Variants in MED1 observed in about 807,000 individuals in gnomAD.
MED1 encodes the protein mediator of RNA polymerase II transcription subunit 1.
MED1 carries 17 observed loss-of-function variants against 121.3 expected under a neutral mutation model. The ratio of observed to expected loss-of-function variants is 0.14; its 90% CI spans 0.10 to 0.21. The LOEUF is 0.21. MED1 is among the 10% of genes least tolerant of loss of function. The pLI, the probability that MED1 is intolerant of heterozygous loss-of-function variation, is 1.00. For missense variants in MED1, 1,558 were observed against 1,919.4 expected (o/e 0.81, Z 3.52); for synonymous variants, 661 against 694.4 (o/e 0.95, Z 0.76).
chr17:39,407,306 T>G lies in MED1; in HGVS notation c.*169A>C. The G allele has an allele frequency of 1.6e-6, 2 of 1,262,960 alleles. No individual in the cohort carries two copies. Among genetic ancestry groups the G allele is most frequent in the African/African-American group, 3.1e-5 (2 of 65,028 alleles). 78.2% of individuals were successfully genotyped at this position (1,262,960 alleles called of 1,614,324 possible). ...GAATCAAACCCTGTGGTTTCTTTAA[T>G]AGGGTCTGGATATGCCTTTCTAATT... On this transcript the variant is annotated 3_prime_UTR_variant, in exon 17 of 17. Coordinates refer to ENST00000300651, the MANE Select transcript of MED1 (RefSeq NM_004774.4).
intron 2 of MED1, among the ~76,000 whole-genome samples, 156 bp from the exon 3 acceptor site, chr17:39,443,784 A>C (rs1024417271): frequency 7.5e-6 from 1 of 133,398 alleles, no homozygotes; most frequent in South Asian, 2.8e-4. Context: ...ACACTGGTCT[A>C]CAAGTGTTAC....
At position 39,404,399 on chromosome 17, in the gene MED1, A is replaced by T. The variant is rs572061371; in HGVS notation, c.*3076T>A. On this transcript the variant is annotated 3_prime_UTR_variant, in exon 17 of 17. Coordinates refer to ENST00000300651, the MANE Select transcript of MED1 (RefSeq NM_004774.4). ...TACTTTCAAAAAAATGAAAAACCCCAAAGTATTTACAAAACGGCCATATGC... is the reference window on the plus strand; with the variant it reads ...TACTTTCAAAAAAATGAAAAACCCCTAAGTATTTACAAAACGGCCATATGC... The T allele has an allele frequency of 3.3e-5, 5 of 152,462 alleles. No individual in the cohort carries two copies. The South Asian group carries it at 1.0e-3, about 32-fold the overall frequency. The allele number at this position is 152,462 out of a possible 1,614,324, so 9.4% of individuals were successfully genotyped here. A position where few individuals can be genotyped will look rare whatever the true frequency, so the allele number is the denominator to read the frequency against.
intron 13 of MED1, among the ~76,000 whole-genome samples, chr17:39,420,881 C>T (rs2048456951): frequency 6.7e-6 from 1 of 150,050 alleles, no homozygotes; most frequent in Non-Finnish European, 1.5e-5. Context: ...CTGCAAGCTC[C>T]ACCTCCCGGG....
At chr17:39,436,437 A>G (rs968106769) in intron 6 of MED1, among the ~76,000 whole-genome samples, 2 of 152,022 alleles carry the variant, frequency 1.3e-5, no homozygotes, top group African/African-American at 4.8e-5. Context: ...TGAACACTCT[A>G]AGACATCCTC....
chr17:39,414,044 T>C (rs971460509), intron 16 of MED1, among the ~76,000 whole-genome samples: 2 of 150,388 alleles, frequency 1.3e-5, no homozygotes, highest in Admixed American at 6.7e-5. Flanking sequence ...CTGGCCAACA[T>C]GGTGAAACCC....
At chr17:39,413,854 A>AT (rs1360256391) in intron 16 of MED1, among the ~76,000 whole-genome samples, 1 of 148,950 alleles carries the variant, frequency 6.7e-6, no homozygotes, top group Non-Finnish European at 1.5e-5. Flanking sequence ...TTAAAGTACC[A>AT]TAATTCCAGG....
chr17:39,428,227 G>A (rs2048533101), intron 9 of MED1, among the ~76,000 whole-genome samples: 1 of 152,158 alleles, frequency 6.6e-6, no homozygotes, highest in Non-Finnish European at 1.5e-5. Flanking sequence ...GCTCATGCCT[G>A]TAATCCCACA....
chr17:39,408,159 C>T lies in MED1; in HGVS notation c.4062G>A (p.Lys1354=), dbSNP rs2048321336. Reference sequence around the variant, plus strand: ...ATTTGTCTTTATCACTTTTCTCACGCTTGCCCTGAAACTCTCCTCCTGACA... The same window carrying T: ...ATTTGTCTTTATCACTTTTCTCACGTTTGCCCTGAAACTCTCCTCCTGACA... ...HNMSGGEFQG[K]REKSDKDKSK... The change falls in exon 17 of 17, where the codon AAG becomes AAA. Residue 1354 remains lysine (K), a synonymous_variant. Transcript: ENST00000300651. This position sits in a 1 kb window ranked among gnomAD's most constrained non-coding sequence, Gnocchi z 4.7. 1 of 1,614,084 alleles carries T rather than the reference C, an allele frequency of 6.2e-7. No homozygotes were observed. The highest frequency in any genetic ancestry group is 2.2e-5 in the East Asian group (1 of 44,894).
chr17:39,428,051 T>C (rs2048531210), intron 9 of MED1, among the ~76,000 whole-genome samples: 1 of 151,918 alleles, frequency 6.6e-6, no homozygotes, highest in Admixed American at 6.6e-5. Context: ...ACTCCACCTC[T>C]AAAAATAATA....
rs2048292309 is a variant in MED1, at chr17:39,405,038, G to A, written c.*2437C>T. On this transcript the variant is annotated 3_prime_UTR_variant, in exon 17 of 17. Coordinates refer to ENST00000300651, the MANE Select transcript of MED1 (RefSeq NM_004774.4). Reference sequence around the variant, plus strand: ...CATAAGACACCAGCAGCAGAAGATAGGTAGAAGTTGACTTCATGTCCTTGC... The same window carrying A: ...CATAAGACACCAGCAGCAGAAGATAAGTAGAAGTTGACTTCATGTCCTTGC... The A allele has an allele frequency of 1.7e-6, 1 of 597,936 alleles. No individual in the cohort carries two copies. Among genetic ancestry groups the A allele is most frequent in the Non-Finnish European group, 2.7e-6 (1 of 365,316 alleles). The allele number at this position is 597,936 out of a possible 1,614,324, so 37.0% of individuals were successfully genotyped here. A position where few individuals can be genotyped will look rare whatever the true frequency, so the allele number is the denominator to read the frequency against.
rs776178979 is a variant in MED1, at chr17:39,410,069, C to A, written c.2152G>T (p.Asp718Tyr). ...ACATCAAAGATAGGGTTCTGTGAGTCAACATCCATTGAAAATAGCTCCCTC... is the reference window on the plus strand; with the variant it reads ...ACATCAAAGATAGGGTTCTGTGAGTAAACATCCATTGAAAATAGCTCCCTC... Reference protein sequence around the residue: ...FQRELFSMDVDSQNPIFDVNM... With the variant: ...FQRELFSMDVYSQNPIFDVNM... Residue 718 changes from aspartate to tyrosine, a missense_variant, in exon 17 of 17, where the codon GAC (aspartate) becomes TAC (tyrosine). Physicochemically the swap from Asp to Tyr is radical, Grantham distance 160. Transcript: ENST00000300651. The A allele has an allele frequency of 3.1e-6, 5 of 1,613,948 alleles. No homozygotes were observed. Among genetic ancestry groups the A allele is most frequent in the Non-Finnish European group, 4.2e-6 (5 of 1,180,034 alleles).
At chr17:39,428,259 C>T (rs1250747009) in intron 9 of MED1, among the ~76,000 whole-genome samples, 1 of 151,922 alleles carries the variant, frequency 6.6e-6, no homozygotes, top group Non-Finnish European at 1.5e-5. Flanking sequence ...CCAAGGCAGG[C>T]GGATCACAAG....
At chr17:39,436,524 ACT>A (rs1482838192) in intron 6 of MED1, among the ~76,000 whole-genome samples, 6 of 152,148 alleles carry the variant, frequency 3.9e-5, no homozygotes, top group Non-Finnish European at 2.9e-5. Flanking sequence ...AAAAGTCTTA[ACT>A]CTGAGTTTAA....
intron 6 of MED1, 94 bp downstream of exon 6, chr17:39,439,071 C>T: frequency 8.8e-7 from 1 of 1,133,052 alleles, no homozygotes; most frequent in Non-Finnish European, 1.3e-6. Context: ...TAAACTTGTT[C>T]CTGAGGAGAA....
At position 39,405,078 on chromosome 17, in the gene MED1, G is replaced by C. The variant is rs1468984093; in HGVS notation, c.*2397C>G. 1.1e-6 allele frequency: 1 copy of C among 902,466 alleles called. No homozygotes were observed. Among genetic ancestry groups the C allele is most frequent in the South Asian group, 2.6e-5 (1 of 38,918 alleles). The allele number at this position is 902,466 out of a possible 1,614,324, so 55.9% of individuals were successfully genotyped here. Reference sequence around the variant, plus strand: ...CATGTCCTTGCCTTCTTTTGAAACAGAAGAATGAGTACACCTAGACAGGAG... The same window carrying C: ...CATGTCCTTGCCTTCTTTTGAAACACAAGAATGAGTACACCTAGACAGGAG... On this transcript the variant is annotated 3_prime_UTR_variant, in exon 17 of 17. Coordinates refer to ENST00000300651, the MANE Select transcript of MED1 (RefSeq NM_004774.4).
At chr17:39,423,964 C>T (rs781471633) in intron 11 of MED1, 143 bp from the exon 12 acceptor site, 1 of 928,040 alleles carries the variant, frequency 1.1e-6, no homozygotes, top group African/African-American at 1.7e-5. Flanking sequence ...CTCACTGCAA[C>T]CTCTGCCTCC....
rs200761504 is a variant in MED1 at position 39,409,666 on chromosome 17, T to C, written c.2555A>G (p.Asp852Gly). 1 of 1,613,994 alleles carries C rather than the reference T, an allele frequency of 6.2e-7. No homozygotes were observed. The highest frequency in any genetic ancestry group is 8.5e-7 in the Non-Finnish European group (1 of 1,180,040). ...ATGAAAAAAATGATTGGTAGGAGAG[T>C]CACTACTGGGGCTTCCAGCAGCATC... ...IADAAGSPSS[D>G]SPTNHFFHDG... Residue 852 changes from aspartate (D) to glycine (G), a missense_variant, in exon 17 of 17, where the codon GAC becomes GGC. Around this residue, in one of 5 missense-constraint regions of MED1, gnomAD observed 793 missense variants for 898.2 expected, o/e 0.88. Coordinates refer to ENST00000300651, the MANE Select transcript of MED1 (RefSeq NM_004774.4).
chr17:39,425,663 G>A (rs1230792514), intron 10 of MED1, among the ~76,000 whole-genome samples: 1 of 152,040 alleles, frequency 6.6e-6, no homozygotes, highest in Admixed American at 6.6e-5. Flanking sequence ...TTAGCCAGGT[G>A]TGGTGACAGG....
At chr17:39,447,438 A>G (rs1032035469) in intron 2 of MED1, among the ~76,000 whole-genome samples, 4 of 151,936 alleles carry the variant, frequency 2.6e-5, no homozygotes, top group Admixed American at 6.6e-5. Flanking sequence ...ACACAAAAGT[A>G]TTAAATATAT....
Sources: allele counts gnomAD v4.1 joint callset (sites outside exome capture counted in the v4.1 genomes callset), GRCh38; gene constraint gnomAD v4.1.1; regional missense constraint gnomAD v4.1.1; non-coding constraint Gnocchi (gnomAD v3.1); transcripts MANE v1.5; gene names NCBI Gene and HGNC (gene_info 2026-07-23, HGNC 2026-07-21).